The following ARHGAP28 variants were observed in gnomAD, a reference collection of about 807,000 sequenced individuals.
ARHGAP28 encodes rho GTPase-activating protein 28.
Under a neutral mutation model 90.7 loss-of-function variants are expected in ARHGAP28, and 56 were observed. The observed-to-expected ratio is 0.62, with a 90% confidence interval of 0.50 to 0.77. The LOEUF (loss-of-function observed/expected upper bound fraction) is 0.77, where lower values mean the gene tolerates loss of function less well. ARHGAP28 is among the 30% of genes least tolerant of loss of function. The pLI is 0.00. For synonymous variants in ARHGAP28, 308 were observed against 323.3 expected (o/e 0.95, Z 0.51); for missense variants, 869 against 900.9 (o/e 0.96, Z 0.45).
chr18:6,880,692 C>G (rs1221090827), intron 10 of ARHGAP28, among the ~76,000 whole-genome samples: 1 of 152,174 alleles, frequency 6.6e-6, no homozygotes, highest in Non-Finnish European at 1.5e-5. Flanking sequence ...GAGCAGGATC[C>G]CCTTCTATTT....
At chr18:6,828,222 G>A (rs533767503) in intron 2 of ARHGAP28, among the ~76,000 whole-genome samples, 42 of 152,278 alleles carry the variant, frequency 2.8e-4, no homozygotes, top group African/African-American at 9.6e-4. Context: ...GTGGCGGCAC[G>A]CGCCTGCAAT....
At chr18:6,859,714 C>A in intron 4 of ARHGAP28, 94 bp from the exon 5 acceptor site, 1 of 1,219,764 alleles carries the variant, frequency 8.2e-7, no homozygotes, top group Non-Finnish European at 1.2e-6. Flanking sequence ...CATATATTGC[C>A]ACACATATCT....
At chr18:6,766,161 T>G (rs1390478181) in intron 1 of ARHGAP28, among the ~76,000 whole-genome samples, 1 of 152,200 alleles carries the variant, frequency 6.6e-6, no homozygotes. Flanking sequence ...CCTGGTGTTC[T>G]GTCTACTTGT....
chr18:6,896,839 A>G (rs2057308185), intron 16 of ARHGAP28: 1 of 484,590 alleles, frequency 2.1e-6, no homozygotes, highest in East Asian at 3.3e-5. Flanking sequence ...AATTTCTAGA[A>G]ATGGGATTCT....
At chr18:6,771,638 A>G (rs2056243747) in intron 1 of ARHGAP28, among the ~76,000 whole-genome samples, 1 of 152,228 alleles carries the variant, frequency 6.6e-6, no homozygotes, top group African/African-American at 2.4e-5. Flanking sequence ...TCATCAAGGA[A>G]TTGATCTGTG....
At chr18:6,864,256 G>A (rs1317383007) in intron 5 of ARHGAP28, among the ~76,000 whole-genome samples, 1 of 151,986 alleles carries the variant, frequency 6.6e-6, no homozygotes, top group African/African-American at 2.4e-5. Context: ...AGTAGAGACT[G>A]GGTTTCACCA....
rs374977705 is a variant in ARHGAP28, at chr18:6,777,750, GTGAA to G, written c.123-46994_123-46991del. ...AATGAATGAATGAATGAATGAATGA[GTGAA>G]TGAATGAATGAATGAATAAAACAGT... On this transcript the variant is annotated intron_variant, in intron 1 of 17. Coordinates refer to ENST00000383472, the MANE Select transcript of ARHGAP28 (RefSeq NM_001366230.1). Among the ~76,000 whole-genome samples the G allele has an allele frequency of 1.7e-3, 256 of 150,840 alleles. 2 individuals carry two copies. The highest frequency in any genetic ancestry group is 5.2e-3 in the African/African-American group (211 of 40,472).
At chr18:6,823,487 C>T (rs1022639336) in intron 1 of ARHGAP28, among the ~76,000 whole-genome samples, 3 of 151,982 alleles carry the variant, frequency 2.0e-5, no homozygotes, top group African/African-American at 7.3e-5. Flanking sequence ...TAGCCAAAAG[C>T]TATTAAGTGG....
chr18:6,883,909 T>C (rs2057199313), intron 11 of ARHGAP28, among the ~76,000 whole-genome samples: 1 of 152,222 alleles, frequency 6.6e-6, no homozygotes, highest in Non-Finnish European at 1.5e-5. Flanking sequence ...GAAGAGCTAC[T>C]AATTTCCTTC....
intron 1 of ARHGAP28, among the ~76,000 whole-genome samples, chr18:6,783,585 G>A (rs2056344051): frequency 6.6e-6 from 1 of 152,028 alleles, no homozygotes; most frequent in Admixed American, 6.6e-5. Flanking sequence ...ACAGGCGTGA[G>A]CCACCATGAC....
chr18:6,854,646 G>A (rs2056937953), intron 4 of ARHGAP28, among the ~76,000 whole-genome samples: 1 of 152,170 alleles, frequency 6.6e-6, no homozygotes, highest in African/African-American at 2.4e-5. Context: ...TGCAGCCAGG[G>A]TTGTGCCTTC....
At chr18:6,905,874 G>A (rs1217874141) in intron 16 of ARHGAP28, among the ~76,000 whole-genome samples, 1 of 151,870 alleles carries the variant, frequency 6.6e-6, no homozygotes, top group African/African-American at 2.4e-5. Flanking sequence ...ACAAAATGCT[G>A]GTGAAAGAAA....
chr18:6,797,912 G>A (rs897297487), intron 1 of ARHGAP28, among the ~76,000 whole-genome samples: 2 of 151,966 alleles, frequency 1.3e-5, no homozygotes, highest in South Asian at 2.1e-4. Flanking sequence ...CGCCTGCCTC[G>A]GCTTCCCAAA....
intron 7 of ARHGAP28, among the ~76,000 whole-genome samples, 187 bp from the exon 8 acceptor site, chr18:6,873,222 A>G (rs1234303641): frequency 2.0e-5 from 3 of 152,238 alleles, no homozygotes; most frequent in Non-Finnish European, 4.4e-5. Flanking sequence ...TCTAATTAGC[A>G]TAGCAGTGAT....
At chr18:6,816,075 C>T (rs938873400) in intron 1 of ARHGAP28, among the ~76,000 whole-genome samples, 4 of 152,122 alleles carry the variant, frequency 2.6e-5, no homozygotes, top group South Asian at 4.1e-4. Context: ...AAGCTTTGTT[C>T]GCTTTCTTCT....
Position 6,833,711 on chromosome 18 carries a change from T to C in ARHGAP28, c.326-3486T>C, listed in dbSNP as rs146745130. Among the ~76,000 whole-genome samples, 19 of 152,290 alleles carry C rather than the reference T, an allele frequency of 1.2e-4. No homozygotes were observed. The East Asian group carries it at 3.1e-3, about 25-fold the overall frequency. ...ACTGATGATGTCCACTTCAATCACTTACTTAAGGTGATATATACATGCAAG... is the reference window on the plus strand; with the variant it reads ...ACTGATGATGTCCACTTCAATCACTCACTTAAGGTGATATATACATGCAAG... On this transcript the variant is annotated intron_variant, in intron 2 of 17. Transcript: ENST00000383472.
chr18:6,791,240 A>T (rs1230617946), intron 1 of ARHGAP28: 4 of 152,210 alleles, frequency 2.6e-5, no homozygotes, highest in Non-Finnish European at 5.9e-5. Context: ...AGAAAGACGC[A>T]GGCTGGGAGG....
In ARHGAP28 at chr18:6,898,743, C is replaced by A. The variant is rs2057322297; in HGVS notation, c.2030+2117C>A. The A allele has an allele frequency of 3.1e-6, 4 of 1,282,684 alleles. No individual in the cohort carries two copies. In the East Asian group the frequency reaches 1.3e-4, roughly 40 times the overall value. The allele number at this position is 1,282,684 out of a possible 1,614,324, so 79.5% of individuals were successfully genotyped here. ...CTAATGACTGCAGAGAGACTCAAATCTTTTATAACAACTTGTTCAAAAAAT... is the reference window on the plus strand; with the variant it reads ...CTAATGACTGCAGAGAGACTCAAATATTTTATAACAACTTGTTCAAAAAAT... On this transcript the variant is annotated intron_variant, in intron 16 of 17. Transcript: ENST00000383472.
chr18:6,845,154 C>T (rs1287386943), intron 3 of ARHGAP28, among the ~76,000 whole-genome samples: 1 of 152,210 alleles, frequency 6.6e-6, no homozygotes, highest in Non-Finnish European at 1.5e-5. Context: ...TCGTAGCTCG[C>T]TGTAACCTGG....
Sources: allele counts gnomAD v4.1 joint callset (sites outside exome capture counted in the v4.1 genomes callset), GRCh38; gene constraint gnomAD v4.1.1; transcripts MANE v1.5; gene names NCBI Gene and HGNC (gene_info 2026-07-23, HGNC 2026-07-21).